Variants in COL4A4 observed in about 807,000 individuals in gnomAD.
COL4A4 encodes the protein collagen alpha-4(IV) chain.
Under a neutral mutation model 192.9 loss-of-function variants are expected in COL4A4, and 105 were observed. The observed-to-expected ratio is 0.54, with a 90% confidence interval of 0.46 to 0.64. The LOEUF (loss-of-function observed/expected upper bound fraction) is 0.64, where lower values mean the gene tolerates loss of function less well. Among genes scored for constraint, COL4A4 ranks in the 30% least tolerant of loss-of-function variants. The probability of loss-of-function intolerance (pLI) is 0.00; values close to 1 mark genes in which losing one functional copy is unlikely to be tolerated. For synonymous variants in COL4A4, 762 were observed against 769.9 expected (o/e 0.99, Z 0.17); for missense variants, 1,967 against 2,169.3 (o/e 0.91, Z 1.85).
At chr2:227,154,220 C>T (rs911005939) in intron 1 of COL4A4, among the ~76,000 whole-genome samples, 8 of 152,200 alleles carry the variant, frequency 5.3e-5, no homozygotes, top group African/African-American at 1.9e-4. Flanking sequence ...TATGAAAATT[C>T]CTGGACTCCA....
chr2:227,067,965 C>T (rs1285126223), intron 25 of COL4A4, among the ~76,000 whole-genome samples: 24 of 140,268 alleles, frequency 1.7e-4, no homozygotes, highest in Middle Eastern at 3.4e-3. Flanking sequence ...ATTGATAGAC[C>T]GCTAGCAAGA....
At chr2:227,011,761 G>T (rs1000967657) in intron 45 of COL4A4, among the ~76,000 whole-genome samples, 6 of 152,126 alleles carry the variant, frequency 3.9e-5, no homozygotes, top group Non-Finnish European at 5.9e-5. Context: ...AGTGAACTCA[G>T]GAAACCAGGC....
rs117405310 is a variant in COL4A4 at position 227,163,804 on chromosome 2, A to G, written c.-102+203T>C. Among the ~76,000 whole-genome samples the G allele has an allele frequency of 5.2e-4, 79 of 152,286 alleles. 4 individuals are homozygous for G. The East Asian group carries it at 0.013, about 26-fold the overall frequency. ...GCCAGGCCGGTAACTCGAGCCTCCA[A>G]ATTAATCAAAACACACAGCACCCAG... On this transcript the variant is annotated intron_variant, in intron 1 of 47. Transcript: ENST00000396625.
At chr2:227,049,823 ACT>A (rs1316036234) in intron 34 of COL4A4, among the ~76,000 whole-genome samples, 3 of 152,120 alleles carry the variant, frequency 2.0e-5, no homozygotes, top group Non-Finnish European at 2.9e-5. Flanking sequence ...TGCTGCTGGG[ACT>A]CTCACAGAGG....
intron 12 of COL4A4, 41 bp downstream of exon 12, chr2:227,108,540 C>G (rs754759714): frequency 6.3e-7 from 1 of 1,592,576 alleles, no homozygotes; most frequent in Non-Finnish European, 8.6e-7. Flanking sequence ...GCAGCACACA[C>G]ACGTCACCAT....
At chr2:227,002,610 T>G (rs1961263531), downstream of COL4A4, 1 of 152,480 alleles carries the variant, frequency 6.6e-6, no homozygotes, top group African/African-American at 2.4e-5. Context: ...CTTCTGCAGT[T>G]CACACTTCCA....
chr2:227,101,676 T>A, intron 16 of COL4A4, 119 bp from the exon 17 acceptor site: 1 of 1,125,238 alleles, frequency 8.9e-7, no homozygotes, highest in Non-Finnish European at 1.3e-6. Flanking sequence ...CTTAACACTG[T>A]TCATCAGTTG....
intron 1 of COL4A4, among the ~76,000 whole-genome samples, chr2:227,161,887 C>A (rs1178941231): frequency 2.0e-5 from 3 of 151,878 alleles, no homozygotes; most frequent in Non-Finnish European, 2.9e-5. Flanking sequence ...AAGAGCATCT[C>A]TACCACGTGC....
At chr2:227,015,714 G>GGTA (rs2149795278) in intron 44 of COL4A4, among the ~76,000 whole-genome samples, 1 of 152,134 alleles carries the variant, frequency 6.6e-6, no homozygotes, top group African/African-American at 2.4e-5. Flanking sequence ...AATTGGTGAA[G>GGTA]GTAGTGGTTA....
chr2:227,119,935 G>C lies in COL4A4; in HGVS notation c.332C>G (p.Pro111Arg). The C allele has an allele frequency of 6.3e-7, 1 of 1,578,468 alleles. No homozygotes were observed. Among genetic ancestry groups the C allele is most frequent in the Non-Finnish European group, 8.6e-7 (1 of 1,160,962 alleles). ...GAAGDKGDKG[P>R]TGVPGFPGLD... ...ACCTGGAAATCCAGGAACACCAGTT[G>C]GACCCTAAAATCCCAGAAAATAAAA... is the stretch of plus-strand genomic sequence containing the variant. The change falls in exon 6 of 48, where the codon CCA becomes CGA. Residue 111 changes from proline (P) to arginine (R), a missense_variant. Physicochemically the swap from Pro to Arg is moderately radical, Grantham distance 103. Coordinates refer to ENST00000396625, the MANE Select transcript of COL4A4 (RefSeq NM_000092.5).
chr2:227,112,155 G>A (rs2061247504), intron 8 of COL4A4, among the ~76,000 whole-genome samples: 1 of 152,108 alleles, frequency 6.6e-6, no homozygotes, highest in African/African-American at 2.4e-5. Flanking sequence ...CTATCGCCTT[G>A]TGACTCTGTG....
At chr2:227,022,590 C>T (rs1966235253) in intron 43 of COL4A4, 6 of 534,060 alleles carry the variant, frequency 1.1e-5, no homozygotes, top group South Asian at 7.0e-5. Context: ...CTTCATGTGT[C>T]CCTGAGTCCT....
At chr2:227,037,201 T>C (rs1448293072) in intron 37 of COL4A4, among the ~76,000 whole-genome samples, 2 of 152,118 alleles carry the variant, frequency 1.3e-5, no homozygotes, top group East Asian at 3.9e-4. Flanking sequence ...CCGACATCTG[T>C]ATTAGGTATT....
chr2:227,118,864 T>C (rs2125002880), intron 6 of COL4A4, 103 bp from the exon 7 acceptor site: 2 of 796,556 alleles, frequency 2.5e-6, no homozygotes, highest in Non-Finnish European at 4.4e-6. Context: ...GATTCACACA[T>C]TTACTGTTTA....
At position 227,006,380 on chromosome 2, in the gene COL4A4, G is replaced by A. The variant is rs367987448; in HGVS notation, c.*945C>T. ...GTATGAAGCGCGTGCCTGCCTGAGT[G>A]AGCCCCATGTAGCGTCAGTCCCATT... is the stretch of plus-strand genomic sequence containing the variant. On this transcript the variant is annotated 3_prime_UTR_variant, in exon 48 of 48. Transcript: ENST00000396625. 1 of 152,642 alleles carries A rather than the reference G, an allele frequency of 6.6e-6. No individual in the cohort carries two copies. Among genetic ancestry groups the A allele is most frequent in the South Asian group, 2.1e-4 (1 of 4,830 alleles). 9.5% of individuals were successfully genotyped at this position (152,642 alleles called of 1,614,324 possible).
intron 19 of COL4A4, among the ~76,000 whole-genome samples, chr2:227,097,157 A>G (rs2060246844): frequency 7.8e-6 from 1 of 128,858 alleles, no homozygotes; most frequent in African/African-American, 2.5e-5. Flanking sequence ...GCCTTGTCCC[A>G]TTGCCAAGAA....
chr2:227,147,595 T>G lies in COL4A4; in HGVS notation c.-101-11A>C, dbSNP rs1559743168. The G allele has an allele frequency of 1.2e-6, 1 of 852,528 alleles. No individual in the cohort carries two copies. The highest frequency in any genetic ancestry group is 2.0e-6 in the Non-Finnish European group (1 of 498,390). The allele number at this position is 852,528 out of a possible 1,614,324, so 52.8% of individuals were successfully genotyped here. Reference sequence around the variant, plus strand: ...GGTCAAAGTCTGTTCCTGTTAGATATAAATATATCACTTAAAACACAGCAT... The same window carrying G: ...GGTCAAAGTCTGTTCCTGTTAGATAGAAATATATCACTTAAAACACAGCAT... On this transcript the variant is annotated splice_polypyrimidine_tract_variant and intron_variant, in intron 1 of 47. Coordinates refer to ENST00000396625, the MANE Select transcript of COL4A4 (RefSeq NM_000092.5).
intron 1 of COL4A4, among the ~76,000 whole-genome samples, chr2:227,148,950 T>G (rs543202272): frequency 6.6e-6 from 1 of 152,104 alleles, no homozygotes; most frequent in Admixed American, 6.5e-5. Context: ...CAAGCGATTC[T>G]TCTGCCTCAG....
At chr2:227,039,086 A>G (rs1483759430) in intron 37 of COL4A4, among the ~76,000 whole-genome samples, 3 of 152,202 alleles carry the variant, frequency 2.0e-5, no homozygotes, top group Non-Finnish European at 2.9e-5. Flanking sequence ...ACACTATTTC[A>G]TAGCACGGAA....
Sources: gnomAD v4.1 joint callset for allele counts (sites outside exome capture counted in the v4.1 genomes callset) on GRCh38, gnomAD v4.1.1 for gene constraint, MANE v1.5 for transcripts, NCBI Gene and HGNC (gene_info 2026-07-23, HGNC 2026-07-21) for gene names.